Variants in ANKRD45 observed in about 807,000 individuals in gnomAD.
ANKRD45 encodes ankyrin repeat domain 45.
A neutral mutation model predicts 28.1 loss-of-function variants in ANKRD45; 21 were observed. The ratio of observed to expected loss-of-function variants is 0.75; its 90% CI spans 0.53 to 1.08. The LOEUF is 1.08. Among genes scored for constraint, ANKRD45 ranks in the 50% least tolerant of loss-of-function variants. The pLI is 0.00. For missense variants in ANKRD45, 261 were observed against 308.7 expected (o/e 0.85, Z 1.16); for synonymous variants, 86 against 103.9 (o/e 0.83, Z 1.05).
At chr1:173,689,193 C>T in the ANKRD45 span, among the ~76,000 whole-genome samples, 1 of 152,176 alleles carries the variant, frequency 6.6e-6, no homozygotes, top group East Asian at 1.9e-4. Context: ...ACATCTATAG[C>T]ACCTATCTTG....
chr1:173,710,812 T>G, the ANKRD45 span, among the ~76,000 whole-genome samples: 1 of 152,142 alleles, frequency 6.6e-6, no homozygotes, highest in East Asian at 1.9e-4. Flanking sequence ...GACAACTGCC[T>G]GACCATCACC....
chr1:173,675,709 G>A, the ANKRD45 span, among the ~76,000 whole-genome samples: 581 of 152,170 alleles, frequency 3.8e-3, no homozygotes, highest in Middle Eastern at 0.01. Context: ...ATCTAACAAC[G>A]GGTGTACTAT....
At chr1:173,682,721 A>C in the ANKRD45 span, among the ~76,000 whole-genome samples, 3 of 150,638 alleles carry the variant, frequency 2.0e-5, no homozygotes, top group African/African-American at 7.3e-5. Context: ...ACACACACAC[A>C]CATCTTGGAT....
the ANKRD45 span, among the ~76,000 whole-genome samples, chr1:173,694,010 C>A: frequency 1.3e-5 from 2 of 152,178 alleles, no homozygotes; most frequent in Non-Finnish European, 2.9e-5. Context: ...TAGATTTCTG[C>A]CCATTGGCAA....
chr1:173,635,675 T>C, intron 3 of ANKRD45: 1 of 1,535,746 alleles, frequency 6.5e-7, no homozygotes. Flanking sequence ...GGGTTCTCCA[T>C]CTCACTGCCT....
the ANKRD45 span, among the ~76,000 whole-genome samples, chr1:173,686,968 G>A: frequency 6.6e-6 from 1 of 152,096 alleles, no homozygotes; most frequent in African/African-American, 2.4e-5. Flanking sequence ...TTACAGAGCA[G>A]GTTAGTGCTT....
At chr1:173,661,685 G>A (rs896512441) in intron 1 of ANKRD45, among the ~76,000 whole-genome samples, 1 of 152,084 alleles carries the variant, frequency 6.6e-6, no homozygotes, top group Non-Finnish European at 1.5e-5. Context: ...AGTGTGAATT[G>A]GGGCTTTAAT....
Position 173,642,806 on chromosome 1 carries a change from A to T in ANKRD45, c.496+4040T>A, listed in dbSNP as rs554219223. Among the ~76,000 whole-genome samples, 411 of 152,310 alleles carry T rather than the reference A, an allele frequency of 2.7e-3. 3 individuals carry two copies. Among genetic ancestry groups the T allele is most frequent in the Non-Finnish European group, 1.8e-3 (124 of 68,028 alleles). ...TTTGGGAAGTTCTAAGTTGCTAGCCAATCAGGTTGAGTACAGAATGTGAGG... is the reference window on the plus strand; with the variant it reads ...TTTGGGAAGTTCTAAGTTGCTAGCCTATCAGGTTGAGTACAGAATGTGAGG... On this transcript the variant is annotated intron_variant, in intron 3 of 5. Coordinates refer to ENST00000333279, the MANE Select transcript of ANKRD45 (RefSeq NM_198493.3).
At chr1:173,637,909 T>C (rs1268322847) in intron 3 of ANKRD45, among the ~76,000 whole-genome samples, 2 of 152,176 alleles carry the variant, frequency 1.3e-5, no homozygotes, top group Non-Finnish European at 2.9e-5. Context: ...CTGCCCATTG[T>C]AGCAGCCCCT....
rs750176189 is a variant in ANKRD45, at chr1:173,646,903, G to A, written c.439C>T (p.Arg147Ter). 5.6e-6 allele frequency: 9 copies of A among 1,613,990 alleles called. No homozygotes were observed. The highest frequency in any genetic ancestry group is 5.0e-5 in the Admixed American group (3 of 59,994). ...TGAGAATATCTAGCAGCAACATCTC[G>A]AGCCCTTTCTTCCCGGAAGTTCAAA... ...EALNFREERA[R>*]DVAARYSQTE... is the part of the protein sequence containing the mutation. Residue 147 changes from arginine to a stop codon, truncating the protein, a stop_gained, in exon 3 of 6, where the codon CGA becomes TGA. Coordinates refer to ENST00000333279, the MANE Select transcript of ANKRD45 (RefSeq NM_198493.3). LOFTEE classifies it high-confidence loss of function.
the ANKRD45 span, among the ~76,000 whole-genome samples, chr1:173,695,823 C>T: frequency 1.3e-5 from 2 of 152,090 alleles, no homozygotes; most frequent in Non-Finnish European, 2.9e-5. Flanking sequence ...CCACCAACAG[C>T]GTATAAGCCC....
At chr1:173,698,905 CA>C in the ANKRD45 span, among the ~76,000 whole-genome samples, 1 of 149,226 alleles carries the variant, frequency 6.7e-6, no homozygotes, top group Non-Finnish European at 1.5e-5. Context: ...TAAAGATCAA[CA>C]AAATTGATAG....
rs561785521 is a variant in ANKRD45, at chr1:173,619,262, T to C, written c.730+5525A>G. 4.6e-5 allele frequency among the ~76,000 whole-genome samples: 7 copies of C among 152,338 alleles called. No homozygotes were observed. The South Asian group carries it at 1.5e-3, about 32-fold the overall frequency. On this transcript the variant is annotated intron_variant, in intron 5 of 5. Transcript: ENST00000333279. ...CAAAAATAACCAGCTAGCATCATGATGACAGGATCAAATTCACACATAACA... is the reference window on the plus strand; with the variant it reads ...CAAAAATAACCAGCTAGCATCATGACGACAGGATCAAATTCACACATAACA...
At chr1:173,675,341 G>A in the ANKRD45 span, 9 of 349,262 alleles carry the variant, frequency 2.6e-5, no homozygotes, top group Admixed American at 1.1e-4. Flanking sequence ...GGCCAGTCAC[G>A]GTGGCTCATG....
chr1:173,632,132 A>G (rs1228060157), intron 3 of ANKRD45, among the ~76,000 whole-genome samples: 2 of 152,016 alleles, frequency 1.3e-5, no homozygotes, highest in Non-Finnish European at 2.9e-5. Flanking sequence ...AATTTTAAAA[A>G]TCAGAAAAAA....
intron 3 of ANKRD45, among the ~76,000 whole-genome samples, chr1:173,630,818 TAAAAAAA>T (rs60007196): frequency 1.4e-4 from 4 of 29,054 alleles, no homozygotes; most frequent in East Asian, 1.3e-3. Context: ...AGACTCTGTC[TAAAAAAA>T]AAAAAAAAAA....
chr1:173,701,763 A>C, the ANKRD45 span, among the ~76,000 whole-genome samples: 19 of 152,214 alleles, frequency 1.2e-4, no homozygotes, highest in African/African-American at 4.6e-4. Flanking sequence ...GCACATGCCT[A>C]TGTAACAAAC....
At chr1:173,711,375 G>A in the ANKRD45 span, among the ~76,000 whole-genome samples, 1 of 152,226 alleles carries the variant, frequency 6.6e-6, no homozygotes, top group African/African-American at 2.4e-5. Context: ...ATCAACATAT[G>A]TAAGATGAAC....
intron 1 of ANKRD45, among the ~76,000 whole-genome samples, chr1:173,663,521 T>A (rs1341987517): frequency 1.3e-5 from 2 of 152,184 alleles, no homozygotes; most frequent in African/African-American, 2.4e-5. Flanking sequence ...CCCACCCTCT[T>A]TTCTTTTAAC....
Sources: gnomAD v4.1 joint callset for allele counts (sites outside exome capture counted in the v4.1 genomes callset) on GRCh38, gnomAD v4.1.1 for gene constraint, MANE v1.5 for transcripts, NCBI Gene and HGNC (gene_info 2026-07-23, HGNC 2026-07-21) for gene names.